Variants in SKP1 observed in about 807,000 individuals in gnomAD.
The protein encoded by SKP1 is S-phase kinase-associated protein 1.
Under a neutral mutation model 21.5 loss-of-function variants are expected in SKP1, and 1 was observed. The ratio of observed to expected loss-of-function variants is 0.05; its 90% confidence interval spans 0.02 to 0.22. The LOEUF is 0.22. SKP1 is among the 10% of genes least tolerant of loss of function. SKP1 has a pLI of 1.00. For missense variants in SKP1, 70 were observed against 192.0 expected (o/e 0.36, Z 3.76); for synonymous variants, 59 against 59.3 (o/e 0.99, Z 0.03).
chr5:134,163,443 T>A (rs998154426), intron 3 of SKP1, among the ~76,000 whole-genome samples: 1 of 151,186 alleles, frequency 6.6e-6, no homozygotes. Context: ...TGGCATCATG[T>A]AATTATTCTT....
rs1761019686 is a variant in SKP1, at chr5:134,149,935, T to C, written c.*7798A>G. On this transcript the variant is annotated 3_prime_UTR_variant, in exon 6 of 6. Transcript: ENST00000353411. ...CATTCCTGCGAGGCCAGAGGGTGAC[T>C]TGAGATTGCAACCTCAAGTTCAACT... 1 of 152,080 alleles carries C rather than the reference T, an allele frequency of 6.6e-6. No homozygotes were observed. Among genetic ancestry groups the C allele is most frequent in the South Asian group, 2.1e-4 (1 of 4,810 alleles). 9.4% of individuals were successfully genotyped at this position (152,080 alleles called of 1,614,324 possible).
chr5:134,176,630 G>C (rs1453073673), intron 1 of SKP1: 6 of 152,440 alleles, frequency 3.9e-5, no homozygotes, highest in Non-Finnish European at 7.3e-5. Context: ...AGCGCCGTGA[G>C]GACGCCCGGC....
intron 5 of SKP1, chr5:134,158,048 T>C (rs1761150676): frequency 6.8e-7 from 1 of 1,461,134 alleles, no homozygotes; most frequent in African/African-American, 1.4e-5. Context: ...TATTTCAGTC[T>C]GTAGTCATGT....
At chr5:134,174,247 T>C (rs950180476) in intron 1 of SKP1, among the ~76,000 whole-genome samples, 2 of 152,232 alleles carry the variant, frequency 1.3e-5, no homozygotes, top group Non-Finnish European at 2.9e-5. Context: ...CAGAAGCTTT[T>C]AAGGCCTGCC....
rs554223409 is a variant in SKP1, at chr5:134,157,588, A to G, written c.*145T>C. The G allele has an allele frequency of 5.4e-5, 40 of 737,310 alleles. No individual in the cohort carries two copies. The highest frequency in any genetic ancestry group is 3.8e-4 in the Middle Eastern group (1 of 2,598). 45.7% of individuals were successfully genotyped at this position (737,310 alleles called of 1,614,324 possible). On this transcript the variant is annotated 3_prime_UTR_variant, in exon 6 of 6. Transcript: ENST00000353411. ...TTTGGGATCTGTGCTCAAACTACAC[A>G]TGCAATGAGGACAATATTCTGCTAA...
chr5:134,163,674 C>T (rs1761267745), intron 3 of SKP1, among the ~76,000 whole-genome samples: 2 of 151,936 alleles, frequency 1.3e-5, no homozygotes, highest in African/African-American at 4.8e-5. Flanking sequence ...CTTGTACTCC[C>T]AGCTACTCGG....
At chr5:134,167,117 CAATT>C in intron 3 of SKP1, 49 bp downstream of exon 3, 1 of 837,406 alleles carries the variant, frequency 1.2e-6, no homozygotes. Flanking sequence ...TTGTATTAAT[CAATT>C]GGTGTTATAT....
In SKP1 at chr5:134,151,495, C is replaced by T; in HGVS notation, c.*6238G>A. 1 of 323,936 alleles carries T rather than the reference C, an allele frequency of 3.1e-6. No homozygotes were observed. Among genetic ancestry groups the T allele is most frequent in the South Asian group, 2.4e-5 (1 of 41,026 alleles). The allele number at this position is 323,936 out of a possible 1,614,324, so 20.1% of individuals were successfully genotyped here. A position where few individuals can be genotyped will look rare whatever the true frequency, so the allele number is the denominator to read the frequency against. On this transcript the variant is annotated 3_prime_UTR_variant, in exon 6 of 6. Coordinates refer to ENST00000353411, the MANE Select transcript of SKP1 (RefSeq NM_170679.3). ...AATGGTACATTCAGGAAAGAAAGGA[C>T]AAATAAGAATTTTCACCAGATAGGT...
At chr5:134,160,331 T>C (rs1240977435) in intron 4 of SKP1, among the ~76,000 whole-genome samples, 1 of 152,006 alleles carries the variant, frequency 6.6e-6, no homozygotes, top group Non-Finnish European at 1.5e-5. Context: ...CACCACAGCC[T>C]GTGTGACAAG....
intron 5 of SKP1, chr5:134,158,102 T>G: frequency 7.1e-7 from 1 of 1,406,392 alleles, no homozygotes; most frequent in Non-Finnish European, 9.3e-7. Flanking sequence ...CTCCCCTCAT[T>G]AAGTTGCTCT....
At chr5:134,161,324 TA>T (rs2149373840) in intron 3 of SKP1, 194 bp from the exon 4 acceptor site, 2 of 482,878 alleles carry the variant, frequency 4.1e-6, no homozygotes, top group East Asian at 6.2e-5. Context: ...TCTTATTAGA[TA>T]AAAGCAAGCC....
chr5:134,158,566 C>T lies in SKP1; in HGVS notation c.345G>A (p.Leu115=), dbSNP rs1561718081. 6.2e-7 allele frequency: 1 copy of T among 1,613,408 alleles called. No individual in the cohort carries two copies. Among genetic ancestry groups the T allele is most frequent in the African/African-American group, 1.3e-5 (1 of 75,036 alleles). The change falls in exon 5 of 6, where the codon TTG becomes TTA. Residue 115 remains leucine, a synonymous_variant. Transcript: ENST00000353411. The part of the protein sequence containing the change: ...LAANYLDIKG[L]LDVTCKTVAN... ...CAACAGTCTTGCATGTAACATCAAG[C>T]AAACCTTTGATGTCTAAGTAGTTTG...
intron 1 of SKP1, chr5:134,175,197 G>T (rs921687884): frequency 1.3e-5 from 2 of 152,174 alleles, no homozygotes; most frequent in Admixed American, 6.5e-5. Flanking sequence ...TGAGACAATT[G>T]TCGCCAACCC....
At chr5:134,168,958 A>C (rs568379703) in intron 2 of SKP1, among the ~76,000 whole-genome samples, 19 of 152,156 alleles carry the variant, frequency 1.2e-4, no homozygotes, top group Non-Finnish European at 2.5e-4. Flanking sequence ...TGGTGTATAG[A>C]TGGTTTATAA....
chr5:134,172,744 G>A (rs553062524), intron 2 of SKP1, among the ~76,000 whole-genome samples: 2 of 152,206 alleles, frequency 1.3e-5, no homozygotes, highest in African/African-American at 4.8e-5. Context: ...TGGGCGTGGT[G>A]TCTCATGCCT....
Position 134,154,513 on chromosome 5 carries a change from T to G in SKP1, c.*3220A>C, listed in dbSNP as rs1339960358. On this transcript the variant is annotated 3_prime_UTR_variant, in exon 6 of 6. Transcript: ENST00000353411. ...GGGGCACATCTTTAGCCTATGACAATGTTAAGGAGAAAATAATAAGCTAAC... is the reference window on the plus strand; with the variant it reads ...GGGGCACATCTTTAGCCTATGACAAGGTTAAGGAGAAAATAATAAGCTAAC... 1.4e-5 allele frequency: 2 copies of G among 146,092 alleles called. No individual in the cohort carries two copies. The highest frequency in any genetic ancestry group is 3.0e-5 in the Non-Finnish European group (2 of 66,466). The allele number at this position is 146,092 out of a possible 1,614,324, so 9.0% of individuals were successfully genotyped here.
intron 3 of SKP1, 132 bp from the exon 4 acceptor site, chr5:134,161,262 G>T: frequency 1.4e-6 from 1 of 705,260 alleles, no homozygotes; most frequent in Non-Finnish European, 2.3e-6. Context: ...AGCCAAGCTT[G>T]AAAAACAAAA....
chr5:134,166,310 C>T (rs114464652), intron 3 of SKP1, among the ~76,000 whole-genome samples: 7,178 of 150,242 alleles, frequency 0.048, 483 homozygotes, highest in African/African-American at 0.16. Context: ...ATGCTGGGCG[C>T]GGTGGCTCAC....
intron 2 of SKP1, among the ~76,000 whole-genome samples, chr5:134,167,566 A>T (rs1390365132): frequency 6.6e-6 from 1 of 151,164 alleles, no homozygotes; most frequent in Non-Finnish European, 1.5e-5. Context: ...TCTGTCGCCC[A>T]GGCTAGAGTG....
Sources: gnomAD v4.1 joint callset for allele counts (sites outside exome capture counted in the v4.1 genomes callset) on GRCh38, gnomAD v4.1.1 for gene constraint, MANE v1.5 for transcripts, NCBI Gene and HGNC (gene_info 2026-07-23, HGNC 2026-07-21) for gene names.